Variants in ATP2C2 observed in about 807,000 individuals in gnomAD.
ATP2C2 encodes calcium-transporting ATPase type 2C member 2.
Under a neutral mutation model 110.8 loss-of-function variants are expected in ATP2C2, and 171 were observed. The ratio of observed to expected loss-of-function variants is 1.54; its 90% CI spans 1.36 to 1.75. ATP2C2 has a LOEUF of 1.75. Ranked by LOEUF, ATP2C2 falls within the 40% of genes most tolerant of loss-of-function variation. ATP2C2 has a pLI of 0.00. For synonymous variants in ATP2C2, 804 were observed against 508.4 expected (o/e 1.58, Z -7.82); for missense variants, 1,963 against 1,235.0 (o/e 1.59, Z -8.84).
At chr16:84,461,409 C>G in intron 24 of ATP2C2, 1 of 514,770 alleles carries the variant, frequency 1.9e-6, no homozygotes, top group Non-Finnish European at 3.5e-6. Flanking sequence ...GACCTTCACT[C>G]TGGGTTTAAC....
At chr16:84,412,468 GTGTC>G (rs1339984255) in intron 6 of ATP2C2, among the ~76,000 whole-genome samples, 171 of 148,108 alleles carry the variant, frequency 1.2e-3, no homozygotes, top group Admixed American at 2.3e-3. Flanking sequence ...CTCCGTGTGT[GTGTC>G]TGTGCATGTG....
Position 84,460,655 on chromosome 16 carries a change from T to A in ATP2C2, c.2335T>A (p.Leu779Met). 1 of 1,614,204 alleles carries A rather than the reference T, an allele frequency of 6.2e-7. No individual in the cohort carries two copies. Among genetic ancestry groups the A allele is most frequent in the Non-Finnish European group, 8.5e-7 (1 of 1,180,034 alleles). Residue 779 changes from leucine (L) to methionine (M), a missense_variant and splice_region_variant, in exon 24 of 27, where the codon TTG becomes ATG. Coordinates refer to ENST00000262429, the MANE Select transcript of ATP2C2 (RefSeq NM_014861.4). ...IIMDGPPAQS[L>M]GVEPVDKDAF... Reference sequence around the variant, plus strand: ...GTGTCTGTGTCTTGTTCGGAGCAGCTTGGGGGTAGAGCCCGTTGACAAAGA... The same window carrying A: ...GTGTCTGTGTCTTGTTCGGAGCAGCATGGGGGTAGAGCCCGTTGACAAAGA...
At chr16:84,433,599 C>T (rs1327954752) in intron 11 of ATP2C2, among the ~76,000 whole-genome samples, 1 of 151,856 alleles carries the variant, frequency 6.6e-6, no homozygotes, top group Non-Finnish European at 1.5e-5. Context: ...TTGTGGCGAG[C>T]CGAGATCGCA....
intron 25 of ATP2C2, 43 bp from the exon 26 acceptor site, chr16:84,461,945 G>A: frequency 6.2e-7 from 1 of 1,609,664 alleles, no homozygotes. Flanking sequence ...TGTACCTGGG[G>A]TGTGGACAGC....
intron 11 of ATP2C2, among the ~76,000 whole-genome samples, chr16:84,434,777 C>T (rs2150560668): frequency 6.6e-6 from 1 of 152,292 alleles, no homozygotes; most frequent in African/African-American, 2.4e-5. Context: ...TTCTGCGTTT[C>T]AAAGTGCTGG....
intron 1 of ATP2C2, among the ~76,000 whole-genome samples, chr16:84,377,306 C>T (rs1262830629): frequency 1.3e-5 from 2 of 152,190 alleles, no homozygotes; most frequent in Admixed American, 6.5e-5. Flanking sequence ...AATCCAATCA[C>T]CTGTCTTCCC....
chr16:84,435,241 G>A (rs1208594524), intron 11 of ATP2C2, among the ~76,000 whole-genome samples: 1 of 152,240 alleles, frequency 6.6e-6, no homozygotes, highest in Non-Finnish European at 1.5e-5. Context: ...AATAAGTGAT[G>A]TAATTAGAAA....
intron 10 of ATP2C2, among the ~76,000 whole-genome samples, chr16:84,425,092 A>C (rs1907692015): frequency 6.6e-6 from 1 of 152,096 alleles, no homozygotes; most frequent in Non-Finnish European, 1.5e-5. Context: ...ATACATACAC[A>C]CACACACCCC....
chr16:84,450,551 G>C (rs1057022795), intron 17 of ATP2C2, among the ~76,000 whole-genome samples: 19 of 152,144 alleles, frequency 1.2e-4, no homozygotes, highest in Non-Finnish European at 2.9e-5. Flanking sequence ...CTCCTGGGTT[G>C]GCAAAGCCCA....
At chr16:84,403,117 T>C (rs1047137222) in intron 2 of ATP2C2, among the ~76,000 whole-genome samples, 1 of 152,218 alleles carries the variant, frequency 6.6e-6, no homozygotes, top group East Asian at 1.9e-4. Flanking sequence ...TTCTGTGATA[T>C]AATTTGTGAA....
In ATP2C2 at chr16:84,389,027, G is replaced by T. The variant is rs144293054; in HGVS notation, c.100-9472G>T. Among the ~76,000 whole-genome samples the T allele has an allele frequency of 1.9e-3, 293 of 152,218 alleles. 2 individuals carry two copies. The highest frequency in any genetic ancestry group is 6.9e-3 in the African/African-American group (285 of 41,532). Reference sequence around the variant, plus strand: ...CCTCGTGATCCACCCAAAGTGCTGGGATTACAGGCATGAGCCACCGCGCCC... The same window carrying T: ...CCTCGTGATCCACCCAAAGTGCTGGTATTACAGGCATGAGCCACCGCGCCC... On this transcript the variant is annotated intron_variant, in intron 1 of 26. Coordinates refer to ENST00000262429, the MANE Select transcript of ATP2C2 (RefSeq NM_014861.4).
At chr16:84,404,712 A>T (rs897724497) in intron 2 of ATP2C2, 2 of 353,200 alleles carry the variant, frequency 5.7e-6, no homozygotes, top group Admixed American at 8.0e-5. Flanking sequence ...TATATACCCC[A>T]AAGTGGAATT....
At chr16:84,420,752 G>A (rs960747388) in intron 7 of ATP2C2, among the ~76,000 whole-genome samples, 3 of 152,106 alleles carry the variant, frequency 2.0e-5, no homozygotes, top group African/African-American at 7.2e-5. Context: ...TGAGGTTCTT[G>A]TTGGCTGTGA....
At chr16:84,402,872 C>T (rs556106527) in intron 2 of ATP2C2, among the ~76,000 whole-genome samples, 37 of 152,082 alleles carry the variant, frequency 2.4e-4, no homozygotes, top group Non-Finnish European at 4.0e-4. Flanking sequence ...ATCGCTTCTT[C>T]GAGTGTTTGG....
Position 84,461,759 on chromosome 16 carries a change from T to C in ATP2C2, c.2527T>C (p.Phe843Leu), listed in dbSNP as rs1911368391. The change falls in exon 25 of 27, where the codon TTC (phenylalanine) becomes CTC (leucine). Residue 843 changes from phenylalanine (F) to leucine (L), a missense_variant. Coordinates refer to ENST00000262429, the MANE Select transcript of ATP2C2 (RefSeq NM_014861.4). ...ASTPRTTTMT[F>L]TCFVFFDLFN... ...CACTCCCCGCACCACGACGATGACG[T>C]TCACTTGTTTTGTGTTTTTCGATCT... The C allele has an allele frequency of 6.2e-7, 1 of 1,614,082 alleles. No individual in the cohort carries two copies.
intron 1 of ATP2C2, among the ~76,000 whole-genome samples, chr16:84,388,820 A>G (rs1161467490): frequency 3.9e-5 from 6 of 152,098 alleles, no homozygotes; most frequent in African/African-American, 4.8e-5. Flanking sequence ...TTGCCAGGCT[A>G]GAGTGCAGTG....
At chr16:84,418,296 C>G (rs897805377) in intron 7 of ATP2C2, among the ~76,000 whole-genome samples, 2 of 152,108 alleles carry the variant, frequency 1.3e-5, no homozygotes, top group Admixed American at 1.3e-4. Context: ...GTTCTGTTCC[C>G]CCGACTCTAT....
intron 2 of ATP2C2, among the ~76,000 whole-genome samples, chr16:84,403,671 G>A (rs758775155): frequency 2.0e-5 from 3 of 151,830 alleles, no homozygotes; most frequent in Admixed American, 1.3e-4. Context: ...CACAACCATC[G>A]CCATTCTCTA....
At chr16:84,399,623 T>C (rs1224753498) in intron 2 of ATP2C2, among the ~76,000 whole-genome samples, 1 of 152,178 alleles carries the variant, frequency 6.6e-6, no homozygotes. Context: ...CTGTTTCTTT[T>C]TTATTTTTAA....
Sources: gnomAD v4.1 joint callset for allele counts (sites outside exome capture counted in the v4.1 genomes callset) on GRCh38, gnomAD v4.1.1 for gene constraint, MANE v1.5 for transcripts, NCBI Gene and HGNC (gene_info 2026-07-23, HGNC 2026-07-21) for gene names.